Variants in ATRX observed in about 807,000 individuals in gnomAD.
ATRX encodes the protein chromatin remodeler ATRX.
ATRX carries 12 observed loss-of-function variants against 172.6 expected under a neutral mutation model. The observed-to-expected ratio is 0.07, with a 90% CI of 0.04 to 0.11. ATRX has a LOEUF of 0.11. Among genes scored for constraint, ATRX ranks in the 10% least tolerant of loss-of-function variants. The probability of loss-of-function intolerance (pLI) is 1.00; values close to 1 mark genes in which losing one functional copy is unlikely to be tolerated. For missense variants in ATRX, 1,368 were observed against 1,767.4 expected, an observed-to-expected ratio of 0.77 and a Z score of 4.05; for synonymous variants, 674 against 594.7, an observed-to-expected ratio of 1.13 and a Z score of -1.94.
At chrX:77,562,180 A>G (rs1308812613) in intron 28 of ATRX, among the ~76,000 whole-genome samples, 3 of 112,162 alleles carry the variant, frequency 2.7e-5, no homozygotes, top group Non-Finnish European at 5.6e-5. Flanking sequence ...ACATAGATAT[A>G]CCACAATTTG....
At chrX:77,565,013 C>T (rs1557063800) in intron 28 of ATRX, among the ~76,000 whole-genome samples, 2 of 111,859 alleles carry the variant, frequency 1.8e-5, no homozygotes, top group Non-Finnish European at 3.8e-5. Context: ...TACATCCACC[C>T]ACACCCAGCA....
intron 6 of ATRX, among the ~76,000 whole-genome samples, chrX:77,693,085 C>T (rs1557147997): frequency 9.0e-6 from 1 of 110,762 alleles, no homozygotes; most frequent in Admixed American, 9.7e-5. Context: ...TGGGGTCTCA[C>T]CATATTGCCC....
At position 77,594,734 on chromosome X, in the gene ATRX, A is replaced by ATAGG. The variant is rs1282193625; in HGVS notation, c.5957-889_5957-886dup. On this transcript the variant is annotated intron_variant, in intron 25 of 34. Coordinates refer to ENST00000373344, the MANE Select transcript of ATRX (RefSeq NM_000489.6). ...ATTCTCTTTCCTTCCTTCCTTTCCAATAGGTAACTAAACCCCTAAATTATA... is the reference window on the plus strand; with the variant it reads ...ATTCTCTTTCCTTCCTTCCTTTCCAATAGGTAGGTAACTAAACCCCTAAATTATA... The ATAGG allele has an allele frequency of 3.6e-5, 4 of 111,568 alleles. No homozygotes were observed. In the East Asian group the frequency reaches 1.1e-3, roughly 31 times the overall value. The allele number at this position is 111,568 out of a possible 1,213,427, so 9.2% of individuals were successfully genotyped here.
At chrX:77,532,797 T>C (rs1306250663) in intron 30 of ATRX, among the ~76,000 whole-genome samples, 1 of 111,658 alleles carries the variant, frequency 9.0e-6, no homozygotes, top group Non-Finnish European at 1.9e-5. Flanking sequence ...ACAAATGGGA[T>C]CTAATTAAAC....
chrX:77,559,922 C>T (rs782212919), intron 28 of ATRX, among the ~76,000 whole-genome samples: 127 of 111,838 alleles, frequency 1.1e-3, no homozygotes, highest in Admixed American at 3.0e-3. Flanking sequence ...CAAATATTTA[C>T]GTAGCCACAA....
At chrX:77,713,218 G>T (rs2073200911) in intron 2 of ATRX, among the ~76,000 whole-genome samples, 1 of 111,774 alleles carries the variant, frequency 8.9e-6, no homozygotes, top group Non-Finnish European at 1.9e-5. Flanking sequence ...GTTGGAGAAA[G>T]AAGTTAAAAA....
intron 1 of ATRX, among the ~76,000 whole-genome samples, chrX:77,722,741 T>C (rs1287570493): frequency 8.9e-6 from 1 of 111,761 alleles, no homozygotes; most frequent in Non-Finnish European, 1.9e-5. Context: ...ACACTGTTGA[T>C]GGGAGGGTAA....
intron 2 of ATRX, among the ~76,000 whole-genome samples, chrX:77,704,203 C>T (rs1557155618): frequency 1.8e-5 from 2 of 111,058 alleles, no homozygotes; most frequent in East Asian, 5.8e-4. Context: ...CTCTGCAGCT[C>T]TCAGCAAAGA....
chrX:77,574,528 T>C (rs1336088038), intron 27 of ATRX, among the ~76,000 whole-genome samples, 170 bp from the exon 28 acceptor site: 1 of 112,131 alleles, frequency 8.9e-6, no homozygotes, highest in Non-Finnish European at 1.9e-5. Context: ...ACATTATAAA[T>C]AAATTAACCA....
At chrX:77,769,375 C>T (rs1249357045) in intron 1 of ATRX, among the ~76,000 whole-genome samples, 1 of 108,611 alleles carries the variant, frequency 9.2e-6, no homozygotes, top group Non-Finnish European at 1.9e-5. Flanking sequence ...CTCCACCTCC[C>T]GAGTCCTGGT....
intron 15 of ATRX, among the ~76,000 whole-genome samples, chrX:77,636,386 C>T (rs1182493958): frequency 1.8e-5 from 2 of 111,246 alleles, no homozygotes; most frequent in Non-Finnish European, 3.8e-5. Flanking sequence ...CTCCCTCACT[C>T]TCTTGCTCCT....
chrX:77,670,040 T>C (rs1049537291), intron 10 of ATRX, among the ~76,000 whole-genome samples: 36 of 111,915 alleles, frequency 3.2e-4, no homozygotes, highest in Non-Finnish European at 6.4e-4. Flanking sequence ...ACATATTTAA[T>C]CCAGTATGCA....
At chrX:77,731,924 C>A (rs1278952258) in intron 1 of ATRX, among the ~76,000 whole-genome samples, 1 of 111,436 alleles carries the variant, frequency 9.0e-6, no homozygotes, top group Non-Finnish European at 1.9e-5. Flanking sequence ...GAGCTCAGGA[C>A]CCACTGAGTG....
Position 77,558,666 on chromosome X carries a change from T to C in ATRX, c.6504+3A>G. 3.4e-6 allele frequency: 4 copies of C among 1,182,696 alleles called. No individual in the cohort carries two copies. The highest frequency in any genetic ancestry group is 3.4e-6 in the Non-Finnish European group (3 of 871,325). The stretch of plus-strand genomic sequence containing the variant: ...AATATGAAAAAGAGAATTATAAACC[T>C]ACCTGAGCTAAGAACCTATATACAT... On this transcript the variant is annotated splice_donor_region_variant and intron_variant, in intron 29 of 34. Transcript: ENST00000373344.
intron 21 of ATRX, among the ~76,000 whole-genome samples, chrX:77,618,218 C>T (rs1478747418): frequency 1.8e-5 from 2 of 112,084 alleles, no homozygotes; most frequent in Non-Finnish European, 3.8e-5. Flanking sequence ...CTAACATCTA[C>T]AGAGAAAGTG....
At chrX:77,723,696 C>G (rs781857986) in intron 1 of ATRX, among the ~76,000 whole-genome samples, 34 of 111,177 alleles carry the variant, frequency 3.1e-4, no homozygotes, top group Non-Finnish European at 4.9e-4. Flanking sequence ...TGCTACATGT[C>G]AACTCACAGC....
intron 15 of ATRX, among the ~76,000 whole-genome samples, chrX:77,638,762 C>T (rs1490558686): frequency 8.0e-5 from 9 of 112,150 alleles, no homozygotes; most frequent in Admixed American, 2.8e-4. Flanking sequence ...CCAAGATTAA[C>T]GCTGAGAAAC....
At chrX:77,659,144 T>A (rs2069718359) in intron 12 of ATRX, among the ~76,000 whole-genome samples, 1 of 111,032 alleles carries the variant, frequency 9.0e-6, no homozygotes, top group East Asian at 2.8e-4. Flanking sequence ...GTTATGGTTG[T>A]ATAAAAATGT....
intron 30 of ATRX, among the ~76,000 whole-genome samples, chrX:77,529,174 G>A (rs947908166): frequency 8.9e-6 from 1 of 111,826 alleles, no homozygotes; most frequent in Non-Finnish European, 1.9e-5. Flanking sequence ...CCAAACCTAC[G>A]ACTGACTGGG....
Sources: gnomAD v4.1 joint callset for allele counts (sites outside exome capture counted in the v4.1 genomes callset) on GRCh38, gnomAD v4.1.1 for gene constraint, MANE v1.5 for transcripts, NCBI Gene and HGNC (gene_info 2026-07-23, HGNC 2026-07-21) for gene names.